The following GNS variants were observed in gnomAD, a reference collection of about 807,000 sequenced individuals.
GNS encodes the protein N-acetylglucosamine-6-sulfatase.
GNS carries 40 observed loss-of-function variants against 69.7 expected under a neutral mutation model. That is an observed-to-expected ratio of 0.57 (90% CI 0.45 to 0.75). The LOEUF (loss-of-function observed/expected upper bound fraction) is 0.75. GNS is among the 30% of genes least tolerant of loss of function. The pLI is 0.00. For synonymous variants in GNS, 243 were observed against 251.6 expected (o/e 0.97, Z 0.32); for missense variants, 565 against 685.5 (o/e 0.82, Z 1.96).
chr12:64,730,170 C>T (rs527294437), intron 9 of GNS, among the ~76,000 whole-genome samples: 1 of 152,156 alleles, frequency 6.6e-6, no homozygotes, highest in Non-Finnish European at 1.5e-5. Context: ...AGGCATTTGA[C>T]ATTTATTCTC....
rs1868849841 is a variant in GNS at position 64,716,074 on chromosome 12, G to A, written c.*667C>T. On this transcript the variant is annotated 3_prime_UTR_variant, in exon 14 of 14. Transcript: ENST00000258145. ...TACCTGGAATTGGCCTTTATCACAAGCTTACTGCTCTATTTCAGTGCAGCA... is the reference window on the plus strand; with the variant it reads ...TACCTGGAATTGGCCTTTATCACAAACTTACTGCTCTATTTCAGTGCAGCA... 6.4e-6 allele frequency: 1 copy of A among 155,048 alleles called. No homozygotes were observed. The highest frequency in any genetic ancestry group is 1.4e-5 in the Non-Finnish European group (1 of 69,670). 9.6% of individuals were successfully genotyped at this position (155,048 alleles called of 1,614,324 possible). A position where few individuals can be genotyped will look rare whatever the true frequency, so the allele number is the denominator to read the frequency against.
At chr12:64,745,418 C>T (rs1869870037) in intron 4 of GNS, among the ~76,000 whole-genome samples, 1 of 151,898 alleles carries the variant, frequency 6.6e-6, no homozygotes, top group South Asian at 2.1e-4. Context: ...TGGGGTCTCG[C>T]CATTTTGCCC....
intron 11 of GNS, 65 bp from the exon 12 acceptor site, chr12:64,721,770 T>A: frequency 1.1e-6 from 1 of 873,534 alleles, no homozygotes; most frequent in Non-Finnish European, 2.0e-6. Context: ...CCTAGTTGCC[T>A]AGAAGGGCAA....
intron 9 of GNS, among the ~76,000 whole-genome samples, chr12:64,731,890 T>C (rs1447062802): frequency 6.6e-6 from 1 of 152,202 alleles, no homozygotes; most frequent in African/African-American, 2.4e-5. Flanking sequence ...GAGCCATGTT[T>C]GAGCCACCAC....
chr12:64,742,772 C>T (rs1869787577), intron 6 of GNS, among the ~76,000 whole-genome samples: 1 of 152,170 alleles, frequency 6.6e-6, no homozygotes, highest in East Asian at 1.9e-4. Flanking sequence ...TCTGTGCCAC[C>T]CCTTCTTCCC....
chr12:64,743,702 G>C (rs1206128590), intron 5 of GNS, among the ~76,000 whole-genome samples: 1 of 152,172 alleles, frequency 6.6e-6, no homozygotes, highest in Admixed American at 6.5e-5. Context: ...GGGAAAGGTA[G>C]ATTAAGTTAC....
intron 1 of GNS, among the ~76,000 whole-genome samples, chr12:64,753,438 A>C (rs749872771): frequency 7.2e-5 from 11 of 152,214 alleles, no homozygotes; most frequent in Non-Finnish European, 1.0e-4. Context: ...AATGAGGACA[A>C]AAGTATGAAG....
chr12:64,736,936 G>A, intron 9 of GNS, 68 bp downstream of exon 9: 1 of 831,280 alleles, frequency 1.2e-6, no homozygotes, highest in Non-Finnish European at 2.1e-6. Context: ...TCTTATCTCA[G>A]GAGGAAACAC....
intron 2 of GNS, among the ~76,000 whole-genome samples, chr12:64,750,658 A>G (rs79873560): frequency 7.1e-4 from 107 of 151,420 alleles, no homozygotes; most frequent in African/African-American, 2.5e-3. Context: ...AATCCCAGCT[A>G]TTTGGGAAGC....
chr12:64,726,393 A>G (rs1869200710), intron 10 of GNS, among the ~76,000 whole-genome samples: 1 of 152,238 alleles, frequency 6.6e-6, no homozygotes, highest in Non-Finnish European at 1.5e-5. Flanking sequence ...TTTTAGATAC[A>G]TCAAGGACTT....
At chr12:64,734,653 C>T (rs1465873948) in intron 9 of GNS, among the ~76,000 whole-genome samples, 12 of 152,206 alleles carry the variant, frequency 7.9e-5, no homozygotes, top group Admixed American at 6.5e-4. Flanking sequence ...TCTGGGCCTT[C>T]GCATTTACCG....
At chr12:64,730,146 A>G (rs865971251) in intron 9 of GNS, among the ~76,000 whole-genome samples, 4 of 152,270 alleles carry the variant, frequency 2.6e-5, no homozygotes, top group Middle Eastern at 3.4e-3. Context: ...CTGGGAACTA[A>G]AGTTTACTGT....
chr12:64,742,196 A>G (rs1044742119), intron 6 of GNS, among the ~76,000 whole-genome samples: 5 of 151,612 alleles, frequency 3.3e-5, no homozygotes, highest in African/African-American at 1.2e-4. Context: ...AATTTTTTGT[A>G]CTTTTAGTAG....
intron 11 of GNS, among the ~76,000 whole-genome samples, chr12:64,722,589 T>C (rs1869064884): frequency 6.6e-6 from 1 of 152,236 alleles, no homozygotes; most frequent in Non-Finnish European, 1.5e-5. Context: ...ACATGGCTGT[T>C]TCCCTCTTTG....
Position 64,737,078 on chromosome 12 carries a change from G to T in GNS, c.1024C>A (p.Gln342Lys). 1 of 1,592,488 alleles carries T rather than the reference G, an allele frequency of 6.3e-7. No individual in the cohort carries two copies. Among genetic ancestry groups the T allele is most frequent in the Non-Finnish European group, 8.6e-7 (1 of 1,160,296 alleles). Residue 342 changes from glutamine to lysine, a missense_variant, in exon 9 of 14, where the codon CAG (glutamine) becomes AAG (lysine). By Grantham distance (53) the Gln-to-Lys change is moderately conservative (BLOSUM62 1). Coordinates refer to ENST00000258145, the MANE Select transcript of GNS (RefSeq NM_002076.4). ...ACTTTGATATCAAACTCATACAGCT[G>T]TCTCTTGTCTATTGGCAAGGAAAAC... ...GQFSLPIDKR[Q>K]LYEFDIKVPL...
At chr12:64,741,113 AGGAGAATGGCGTGAACCCGG>A (rs759225859) in intron 6 of GNS, among the ~76,000 whole-genome samples, 57,045 of 97,856 alleles carry the variant, frequency 0.58, 18,272 homozygotes, top group African/African-American at 0.84. Flanking sequence ...AGGCTGAGGC[AGGAGAATGGCGTGAACCCGG>A]GAGGCGGAGC....
chr12:64,752,546 A>G, intron 2 of GNS, 152 bp downstream of exon 2: 2 of 623,958 alleles, frequency 3.2e-6, no homozygotes, highest in Non-Finnish European at 5.7e-6. Flanking sequence ...TAATATTTCA[A>G]TTAAAATTCA....
intron 9 of GNS, among the ~76,000 whole-genome samples, chr12:64,735,661 T>A (rs1869537702): frequency 6.6e-6 from 1 of 152,256 alleles, no homozygotes; most frequent in South Asian, 2.1e-4. Context: ...GAGGTAGCCC[T>A]GCTCCTAAAA....
chr12:64,742,846 G>C (rs1185040650), intron 6 of GNS, among the ~76,000 whole-genome samples: 2 of 152,238 alleles, frequency 1.3e-5, no homozygotes, highest in Non-Finnish European at 2.9e-5. Context: ...CCAGGAGGGA[G>C]GAGAGTCAGC....
Sources: gnomAD v4.1 joint callset for allele counts (sites outside exome capture counted in the v4.1 genomes callset) on GRCh38, gnomAD v4.1.1 for gene constraint, MANE v1.5 for transcripts, NCBI Gene and HGNC (gene_info 2026-07-23, HGNC 2026-07-21) for gene names.